ENTREP1: variants seen among roughly 807,000 people sequenced by gnomAD.
ENTREP1 encodes endosomal transmembrane epsin interactor 1.
At chr9:69,391,477 C>CTTTTTTTTT in the ENTREP1 span, 1 of 692,082 alleles carries the variant, frequency 1.4e-6, no homozygotes, top group Non-Finnish European at 2.4e-6. Flanking sequence ...GGGAAAATGC[C>CTTTTTTTTT]TTTTTTTTTT....
chr9:69,364,505 T>G, the ENTREP1 span, among the ~76,000 whole-genome samples: 1 of 152,160 alleles, frequency 6.6e-6, no homozygotes, highest in Non-Finnish European at 1.5e-5. Flanking sequence ...AGCTGATATT[T>G]TCTTGTCGTC....
the ENTREP1 span, chr9:69,383,801 G>A: frequency 1.2e-6 from 2 of 1,613,246 alleles, no homozygotes; most frequent in Non-Finnish European, 1.7e-6. Context: ...TTGACTGCAA[G>A]TGGGAAAGAC....
At chr9:69,372,971 A>G in the ENTREP1 span, among the ~76,000 whole-genome samples, 3 of 151,760 alleles carry the variant, frequency 2.0e-5, no homozygotes, top group East Asian at 1.9e-4. Context: ...GGCTATTTGT[A>G]TGTCTTCATT....
At chr9:69,387,743 C>T in the ENTREP1 span, 5 of 418,720 alleles carry the variant, frequency 1.2e-5, no homozygotes, top group Non-Finnish European at 2.1e-5. Context: ...CTCTTCAGCC[C>T]CTTCCTCTCT....
At chr9:69,354,570 T>G in the ENTREP1 span, among the ~76,000 whole-genome samples, 1 of 152,224 alleles carries the variant, frequency 6.6e-6, no homozygotes, top group Admixed American at 6.5e-5. Flanking sequence ...TTGCAATTTA[T>G]TTGTTAAAGA....
the ENTREP1 span, among the ~76,000 whole-genome samples, chr9:69,372,853 T>C: frequency 6.6e-6 from 1 of 152,272 alleles, no homozygotes; most frequent in Non-Finnish European, 1.5e-5. Flanking sequence ...TTTCTGCTTT[T>C]TTTTTTTAAA....
the ENTREP1 span, chr9:69,383,426 T>C: frequency 7.0e-7 from 1 of 1,428,644 alleles, no homozygotes; most frequent in Non-Finnish European, 9.2e-7. Flanking sequence ...TTGCATTTTA[T>C]ACACTGTCAT....
At chr9:69,390,859 T>A in the ENTREP1 span, among the ~76,000 whole-genome samples, 1 of 152,124 alleles carries the variant, frequency 6.6e-6, no homozygotes, top group Non-Finnish European at 1.5e-5. Flanking sequence ...CAGGCTGGTC[T>A]AGAACTCCTG....
the ENTREP1 span, among the ~76,000 whole-genome samples, chr9:69,343,402 C>A: frequency 2.0e-5 from 3 of 152,138 alleles, no homozygotes; most frequent in Non-Finnish European, 4.4e-5. Flanking sequence ...AGGGATGAGC[C>A]AAGGAGAGAA....
the ENTREP1 span, among the ~76,000 whole-genome samples, chr9:69,330,546 G>T: frequency 1.3e-5 from 2 of 152,090 alleles, no homozygotes; most frequent in Admixed American, 1.3e-4. Context: ...AAAAAAAATC[G>T]CAGTGAATAA....
At chr9:69,373,739 A>G in the ENTREP1 span, among the ~76,000 whole-genome samples, 18 of 152,286 alleles carry the variant, frequency 1.2e-4, no homozygotes, top group African/African-American at 4.1e-4. Flanking sequence ...TCTCAGCAGT[A>G]TCTTTTCTCC....
the ENTREP1 span, among the ~76,000 whole-genome samples, chr9:69,365,469 C>A: frequency 3.3e-5 from 5 of 152,092 alleles, no homozygotes; most frequent in Non-Finnish European, 1.5e-5. Context: ...ATGATCAAAT[C>A]AGGGTATTTA....
chr9:69,390,797 G>T, the ENTREP1 span, among the ~76,000 whole-genome samples: 7,002 of 151,968 alleles, frequency 0.046, 477 homozygotes, highest in African/African-American at 0.16. Context: ...ACACCACCAC[G>T]CCCAGCCAAG....
chr9:69,385,772 T>G, the ENTREP1 span: 1 of 1,341,342 alleles, frequency 7.5e-7, no homozygotes, highest in Non-Finnish European at 9.5e-7. Context: ...TCTTTTTTTT[T>G]TTTTTTTTTT....
the ENTREP1 span, among the ~76,000 whole-genome samples, chr9:69,367,834 TACACATATATATATAAATATATAC>T: frequency 9.8e-6 from 1 of 101,784 alleles, no homozygotes; most frequent in East Asian, 2.5e-4. Flanking sequence ...AATATATATA[TACACATATATATATAAATATATAC>T]ACACATATAT....
the ENTREP1 span, among the ~76,000 whole-genome samples, chr9:69,385,624 G>A: frequency 7.9e-4 from 120 of 152,298 alleles, 1 homozygote; most frequent in Non-Finnish European, 8.2e-4. Flanking sequence ...CCTGTAGTCA[G>A]TGATGTAAAA....
chr9:69,383,117 A>C, the ENTREP1 span: 1 of 985,376 alleles, frequency 1.0e-6, no homozygotes, highest in Non-Finnish European at 1.2e-6. Flanking sequence ...GTCATGTAGA[A>C]TGTAAGACAT....
chr9:69,334,195 G>A, the ENTREP1 span, among the ~76,000 whole-genome samples: 3,229 of 152,294 alleles, frequency 0.021, 50 homozygotes, highest in Middle Eastern at 0.068. Flanking sequence ...AGTCACACAC[G>A]CCCTGCCCTG....
chr9:69,370,644 A>C, the ENTREP1 span, among the ~76,000 whole-genome samples: 1 of 152,176 alleles, frequency 6.6e-6, no homozygotes, highest in Non-Finnish European at 1.5e-5. Flanking sequence ...GGGTCTCGGG[A>C]AATGCTTTCA....
Sources: gnomAD v4.1 joint callset for allele counts (sites outside exome capture counted in the v4.1 genomes callset) on GRCh38, gnomAD v4.1.1 for gene constraint, MANE v1.5 for transcripts, NCBI Gene and HGNC (gene_info 2026-07-23, HGNC 2026-07-21) for gene names.